Variants in WWC2 observed in about 807,000 individuals in gnomAD.
The protein encoded by WWC2 is protein WWC2.
A neutral mutation model predicts 138.5 loss-of-function variants in WWC2; 101 were observed. That is an observed-to-expected ratio of 0.73 (90% CI 0.62 to 0.86). WWC2 has a LOEUF of 0.86. Ranked by LOEUF, WWC2 falls within the 40% of genes least tolerant of loss-of-function variation. The probability of loss-of-function intolerance (pLI) is 0.00; values close to 1 mark genes in which losing one functional copy is unlikely to be tolerated. For synonymous variants in WWC2, 558 were observed against 538.4 expected (o/e 1.04, Z -0.50); for missense variants, 1,420 against 1,419.4 (o/e 1.00, Z -0.01).
At chr4:183,160,424 A>G (rs1733931639) in intron 1 of WWC2, among the ~76,000 whole-genome samples, 1 of 152,244 alleles carries the variant, frequency 6.6e-6, no homozygotes, top group Admixed American at 6.5e-5. Context: ...ATAGCAAAGC[A>G]AATGTGGGAT....
At chr4:183,270,962 T>C (rs1737677242) in intron 15 of WWC2, 118 bp from the exon 16 acceptor site, 4 of 974,524 alleles carry the variant, frequency 4.1e-6, no homozygotes, top group Non-Finnish European at 1.4e-6. Flanking sequence ...GAATTGTGTT[T>C]TTTTTACCCT....
At chr4:183,310,935 C>G (rs79257644) in intron 21 of WWC2, among the ~76,000 whole-genome samples, 1 of 150,852 alleles carries the variant, frequency 6.6e-6, no homozygotes, top group Non-Finnish European at 1.5e-5. Context: ...TATATGTACT[C>G]ATTTAAACTT....
At chr4:183,100,429 T>G (rs1743140981) in intron 1 of WWC2, among the ~76,000 whole-genome samples, 1 of 152,250 alleles carries the variant, frequency 6.6e-6, no homozygotes, top group Non-Finnish European at 1.5e-5. Flanking sequence ...TTTTTTACCC[T>G]TAAAATTTCT....
chr4:183,172,556 G>GTTTTTTTTT (rs61599876), intron 1 of WWC2, among the ~76,000 whole-genome samples: 10 of 113,064 alleles, frequency 8.8e-5, no homozygotes, highest in East Asian at 2.7e-4. Flanking sequence ...TATGTTTCTT[G>GTTTTTTTTT]TTTTTTTTTT....
intron 1 of WWC2, among the ~76,000 whole-genome samples, chr4:183,127,402 G>A (rs541167455): frequency 5.6e-4 from 85 of 152,240 alleles, no homozygotes; most frequent in African/African-American, 2.0e-3. Context: ...AATATTGCTT[G>A]ATATCACTTA....
intron 1 of WWC2, among the ~76,000 whole-genome samples, chr4:183,104,133 G>A (rs1198547363): frequency 3.3e-5 from 5 of 151,548 alleles, no homozygotes; most frequent in African/African-American, 9.7e-5. Context: ...CTAATTTTTC[G>A]TAGTTTTTTT....
chr4:183,185,351 A>G (rs1467572419), intron 1 of WWC2, among the ~76,000 whole-genome samples: 1 of 152,258 alleles, frequency 6.6e-6, no homozygotes, highest in Non-Finnish European at 1.5e-5. Context: ...TAGTCAGACA[A>G]TATGAACAAT....
At chr4:183,162,635 G>A (rs1733995316) in intron 1 of WWC2, among the ~76,000 whole-genome samples, 1 of 151,632 alleles carries the variant, frequency 6.6e-6, no homozygotes, top group Admixed American at 6.6e-5. Context: ...CTGATCTGCT[G>A]TCTTGACAGC....
At chr4:183,252,185 C>G (rs545163048) in intron 8 of WWC2, among the ~76,000 whole-genome samples, 1 of 152,298 alleles carries the variant, frequency 6.6e-6, no homozygotes, top group South Asian at 2.1e-4. Context: ...TTTTCTCTTC[C>G]CTTCTACAAG....
At chr4:183,167,650 G>A (rs1230517840) in intron 1 of WWC2, among the ~76,000 whole-genome samples, 2 of 152,114 alleles carry the variant, frequency 1.3e-5, no homozygotes, top group African/African-American at 4.8e-5. Context: ...AACAGTCTAG[G>A]TAAAGATAAA....
At position 183,289,495 on chromosome 4, in the gene WWC2, C is replaced by T. The variant is rs191286964; in HGVS notation, c.3244C>T (p.Arg1082Cys). Residue 1082 changes from arginine to cysteine, a missense_variant, in exon 21 of 23, where the codon CGC becomes TGC. By Grantham distance (180) the Arg-to-Cys change is radical (BLOSUM62 -3). Coordinates refer to ENST00000403733, the MANE Select transcript of WWC2 (RefSeq NM_024949.6). ...TCAGGCATCTCTGACCCGGCAGAGC[C>T]GCCTCAATGATGAGCTGCAGGCGCT... Reference protein sequence around the residue: ...DLQASLTRQSRLNDELQALRD... With the variant: ...DLQASLTRQSCLNDELQALRD... 1.0e-4 allele frequency: 161 copies of T among 1,613,830 alleles called. No individual in the cohort carries two copies. In the African/African-American group the frequency reaches 1.4e-3, roughly 14 times the overall value.
At chr4:183,182,394 A>G (rs1048106429) in intron 1 of WWC2, among the ~76,000 whole-genome samples, 2 of 152,172 alleles carry the variant, frequency 1.3e-5, no homozygotes, top group Non-Finnish European at 2.9e-5. Context: ...GCCTTGGTGG[A>G]TTTCTGTTAT....
chr4:183,109,569 C>T (rs1287810113), intron 1 of WWC2, among the ~76,000 whole-genome samples: 1 of 152,158 alleles, frequency 6.6e-6, no homozygotes, highest in Admixed American at 6.5e-5. Flanking sequence ...GCCTGGATCC[C>T]TCACATGTGC....
At chr4:183,277,379 A>G in intron 16 of WWC2, among the ~76,000 whole-genome samples, 1 of 151,268 alleles carries the variant, frequency 6.6e-6, no homozygotes, top group African/African-American at 2.4e-5. Flanking sequence ...CCAGTCTATC[A>G]TTTTTGGACA....
intron 4 of WWC2, among the ~76,000 whole-genome samples, chr4:183,214,442 G>T (rs774645250): frequency 6.6e-6 from 1 of 152,086 alleles, no homozygotes; most frequent in Non-Finnish European, 1.5e-5. Flanking sequence ...ATCAAAATAT[G>T]ACACTTTAGC....
intron 16 of WWC2, 120 bp downstream of exon 16, chr4:183,271,361 G>A (rs903511862): frequency 3.9e-6 from 3 of 771,082 alleles, no homozygotes; most frequent in Non-Finnish European, 5.5e-6. Context: ...CACTTTCACT[G>A]TCCTTCCTTT....
Position 183,248,831 on chromosome 4 carries a change from G to T in WWC2, c.850G>T (p.Ala284Ser). Residue 284 changes from alanine (A) to serine (S), a missense_variant, in exon 7 of 23, where the codon GCT (alanine) becomes TCT (serine). By Grantham distance (99) the Ala-to-Ser change is moderately conservative. Transcript: ENST00000403733. ...HLCLSRQTLDAGSQTSISGDI... is the reference protein window; with the variant it reads ...HLCLSRQTLDSGSQTSISGDI... ...ATGTCTCTCCAGACAGACCCTTGAT[G>T]CTGGGTCACAAACAAGCATTTCCGG... The T allele has an allele frequency of 1.9e-6, 3 of 1,601,590 alleles. No homozygotes were observed. Among genetic ancestry groups the T allele is most frequent in the Non-Finnish European group, 2.6e-6 (3 of 1,173,050 alleles).
chr4:183,135,196 G>A (rs567522658), intron 1 of WWC2, among the ~76,000 whole-genome samples: 3 of 152,172 alleles, frequency 2.0e-5, no homozygotes, highest in South Asian at 2.1e-4. Flanking sequence ...TGGGATTACC[G>A]GAGTGAGCGA....
At chr4:183,226,067 C>T (rs1352738026) in intron 4 of WWC2, among the ~76,000 whole-genome samples, 2 of 150,212 alleles carry the variant, frequency 1.3e-5, no homozygotes, top group African/African-American at 4.9e-5. Flanking sequence ...CAGAACTCGT[C>T]TGTGAAACTT....
Sources: allele counts gnomAD v4.1 joint callset (sites outside exome capture counted in the v4.1 genomes callset), GRCh38; gene constraint gnomAD v4.1.1; transcripts MANE v1.5; gene names NCBI Gene and HGNC (gene_info 2026-07-23, HGNC 2026-07-21).